The following DUSP19 variants were observed in gnomAD, a reference collection of about 807,000 sequenced individuals.
The protein encoded by DUSP19 is dual specificity protein phosphatase 19.
Under a neutral mutation model 16.6 loss-of-function variants are expected in DUSP19, and 14 were observed. That is an observed-to-expected ratio of 0.84 (90% CI 0.56 to 1.32). The LOEUF (loss-of-function observed/expected upper bound fraction) is 1.32, where lower values mean the gene tolerates loss of function less well. DUSP19 is among the 40% of genes most tolerant of loss of function. The pLI, the probability that DUSP19 is intolerant of heterozygous loss-of-function variation, is 0.00. For synonymous variants in DUSP19, 81 were observed against 90.5 expected (o/e 0.90, Z 0.59); for missense variants, 258 against 255.9 (o/e 1.01, Z -0.06).
chr2:183,090,835 G>A (rs374165372), intron 3 of DUSP19, among the ~76,000 whole-genome samples: 1 of 152,288 alleles, frequency 6.6e-6, no homozygotes, highest in Non-Finnish European at 1.5e-5. Flanking sequence ...CCTCCCTATT[G>A]CACATGGACC....
chr2:183,091,585 CA>C (rs1031355060), intron 3 of DUSP19, among the ~76,000 whole-genome samples: 1 of 152,180 alleles, frequency 6.6e-6, no homozygotes, highest in African/African-American at 2.4e-5. Context: ...AGTGAAGTTA[CA>C]AAGGTCACGC....
rs542768101 is a variant in DUSP19, at chr2:183,097,385, A to G, written c.*1727A>G. 43 of 152,270 alleles carry G rather than the reference A, an allele frequency of 2.8e-4. No homozygotes were observed. Among genetic ancestry groups the G allele is most frequent in the African/African-American group, 9.1e-4 (38 of 41,568 alleles). The allele number at this position is 152,270 out of a possible 1,614,324, so 9.4% of individuals were successfully genotyped here. On this transcript the variant is annotated 3_prime_UTR_variant, in exon 4 of 4. Coordinates refer to ENST00000354221, the MANE Select transcript of DUSP19 (RefSeq NM_080876.4). The stretch of plus-strand genomic sequence containing the variant: ...AAGATATCATTGCCATGTAGGTTTT[A>G]TTTTTAAAAGTCTTGAGCTCTTCTT...
chr2:183,082,886 GTCTTTTCTTTTCTTA>G (rs750552062), intron 1 of DUSP19, among the ~76,000 whole-genome samples: 12 of 87,836 alleles, frequency 1.4e-4, no homozygotes, highest in East Asian at 3.7e-4. Flanking sequence ...GTCTTGTCTT[GTCTTTTCTTTTCTTA>G]TCTTTTCTTT....
intron 1 of DUSP19, among the ~76,000 whole-genome samples, chr2:183,083,038 A>G (rs1209589095): frequency 6.6e-6 from 1 of 152,044 alleles, no homozygotes; most frequent in Non-Finnish European, 1.5e-5. Context: ...AATACCTGGG[A>G]ATACAAGCAT....
intron 2 of DUSP19, among the ~76,000 whole-genome samples, chr2:183,084,792 A>G (rs956604149): frequency 2.6e-5 from 4 of 152,232 alleles, no homozygotes; most frequent in South Asian, 2.1e-4. Context: ...AACTGGTTAT[A>G]AAGCTATTGC....
At position 183,099,681 on chromosome 2, in the gene DUSP19, T is replaced by G. The variant is rs1699849375; in HGVS notation, c.*4023T>G. ...TATTTGTTTTAAAAGATGTAACACTTATTTGCTGTCAAATTCTGAATTAAA... is the reference window on the plus strand; with the variant it reads ...TATTTGTTTTAAAAGATGTAACACTGATTTGCTGTCAAATTCTGAATTAAA... On this transcript the variant is annotated 3_prime_UTR_variant, in exon 4 of 4. Coordinates refer to ENST00000354221, the MANE Select transcript of DUSP19 (RefSeq NM_080876.4). 1 of 151,892 alleles carries G rather than the reference T, an allele frequency of 6.6e-6. No homozygotes were observed. Among genetic ancestry groups the G allele is most frequent in the South Asian group, 2.1e-4 (1 of 4,832 alleles). 9.4% of individuals were successfully genotyped at this position (151,892 alleles called of 1,614,324 possible).
At chr2:183,087,733 T>G (rs1306943743) in intron 3 of DUSP19, among the ~76,000 whole-genome samples, 3 of 152,208 alleles carry the variant, frequency 2.0e-5, no homozygotes, top group Non-Finnish European at 4.4e-5. Context: ...AGCAAATAAT[T>G]CTTACAGACT....
chr2:183,092,372 T>C (rs1699742579), intron 3 of DUSP19, among the ~76,000 whole-genome samples: 1 of 152,164 alleles, frequency 6.6e-6, no homozygotes. Context: ...TTATTTTTCC[T>C]GATGCTCTCC....
intron 3 of DUSP19, among the ~76,000 whole-genome samples, chr2:183,088,395 G>GTGTTTTTTTTTTT (rs1699689490): frequency 7.1e-6 from 1 of 140,204 alleles, no homozygotes; most frequent in African/African-American, 2.7e-5. Flanking sequence ...TTTGTTTTTT[G>GTGTTTTTTTTTTT]TGTTTTTTTT....
At chr2:183,086,522 A>G (rs1000277081) in intron 2 of DUSP19, among the ~76,000 whole-genome samples, 2 of 152,074 alleles carry the variant, frequency 1.3e-5, no homozygotes, top group Non-Finnish European at 1.5e-5. Flanking sequence ...ATGAAAATAT[A>G]TAGGCCAGGT....
intron 3 of DUSP19, among the ~76,000 whole-genome samples, chr2:183,094,430 A>ATT (rs1699770903): frequency 6.6e-6 from 1 of 152,166 alleles, no homozygotes; most frequent in Non-Finnish European, 1.5e-5. Context: ...AAATGAAGTA[A>ATT]CTAAAATGTC....
Position 183,095,793 on chromosome 2 carries a change from T to G in DUSP19, c.*135T>G. On this transcript the variant is annotated 3_prime_UTR_variant, in exon 4 of 4. Coordinates refer to ENST00000354221, the MANE Select transcript of DUSP19 (RefSeq NM_080876.4). ...TTTTTTATGCATAAATGGAGGTCAA[T>G]TTGATTGTCCTGACCTACTGTATAA... The G allele has an allele frequency of 1.6e-6, 1 of 616,352 alleles. No homozygotes were observed. The highest frequency in any genetic ancestry group is 2.8e-5 in the East Asian group (1 of 35,784). 38.2% of individuals were successfully genotyped at this position (616,352 alleles called of 1,614,324 possible). A position where few individuals can be genotyped will look rare whatever the true frequency, so the allele number is the denominator to read the frequency against.
At chr2:183,086,174 C>T (rs570687570) in intron 2 of DUSP19, among the ~76,000 whole-genome samples, 9 of 151,946 alleles carry the variant, frequency 5.9e-5, no homozygotes, top group African/African-American at 2.2e-4. Flanking sequence ...GGTATGAGAC[C>T]CTGTGTTATT....
chr2:183,086,571 C>T (rs576484056), intron 2 of DUSP19, among the ~76,000 whole-genome samples: 3 of 143,440 alleles, frequency 2.1e-5, no homozygotes, highest in South Asian at 2.2e-4. Flanking sequence ...CTGTGGGAGG[C>T]GGAAGTGGGA....
rs948266510 is a variant in DUSP19, at chr2:183,097,771, A to G, written c.*2113A>G. 5.9e-5 allele frequency: 9 copies of G among 152,312 alleles called. No homozygotes were observed. In the East Asian group the frequency reaches 1.5e-3, roughly 26 times the overall value. 9.4% of individuals were successfully genotyped at this position (152,312 alleles called of 1,614,324 possible). On this transcript the variant is annotated 3_prime_UTR_variant, in exon 4 of 4. Coordinates refer to ENST00000354221, the MANE Select transcript of DUSP19 (RefSeq NM_080876.4). ...CATAAGAAAGGATGTATTTAAATAC[A>G]TTTTATTTTGCTAAATCCTGTTTAG...
rs71008261 is a variant in DUSP19 at position 183,085,847 on chromosome 2, G to GTTTTTTTTTT, written c.274-1166_274-1157dup. Reference sequence around the variant, plus strand: ...GTACAGATGTGGACAAGGTTGTTAGGTTTTTTTTTTTTTTTTTTTTTTTTT... The same window carrying GTTTTTTTTTT: ...GTACAGATGTGGACAAGGTTGTTAGGTTTTTTTTTTTTTTTTTTTTTTTTTTTTTTTTTTT... On this transcript the variant is annotated intron_variant, in intron 2 of 3. Transcript: ENST00000354221. Among the ~76,000 whole-genome samples the GTTTTTTTTTT allele has an allele frequency of 1.4e-4, 7 of 50,922 alleles. 1 individual carries two copies. The highest frequency in any genetic ancestry group is 2.2e-4 in the Non-Finnish European group (6 of 27,388). 33.4% of individuals were successfully genotyped at this position (50,922 alleles called of 152,430 possible).
Position 183,095,468 on chromosome 2 carries a change from C to T in DUSP19, c.464C>T (p.Ser155Phe), listed in dbSNP as rs1478549206. Residue 155 changes from serine to phenylalanine, a missense_variant, in exon 4 of 4, where the codon TCC becomes TTC. Transcript: ENST00000354221. The stretch of plus-strand genomic sequence containing the variant: ...CTTGTTCATTGTAATGCAGGCGTTT[C>T]CAGGGCTGCTGCAATTGTAATAGGT... ...VVLVHCNAGVSRAAAIVIGFL... is the reference protein window; with the variant it reads ...VVLVHCNAGVFRAAAIVIGFL... 2.5e-6 allele frequency: 4 copies of T among 1,604,964 alleles called. No individual in the cohort carries two copies. Among genetic ancestry groups the T allele is most frequent in the Non-Finnish European group, 3.4e-6 (4 of 1,176,208 alleles).
chr2:183,079,298 A>T, intron 1 of DUSP19, 139 bp downstream of exon 1: 1 of 848,630 alleles, frequency 1.2e-6, no homozygotes, highest in Non-Finnish European at 1.8e-6. Flanking sequence ...TGGATATGGA[A>T]CTTCCATTAG....
intron 3 of DUSP19, among the ~76,000 whole-genome samples, chr2:183,091,236 C>T (rs975438211): frequency 2.0e-5 from 3 of 152,062 alleles, no homozygotes; most frequent in South Asian, 2.1e-4. Context: ...CCTAAATTCA[C>T]GAAGTTTTTA....
Sources: allele counts gnomAD v4.1 joint callset (sites outside exome capture counted in the v4.1 genomes callset), GRCh38; gene constraint gnomAD v4.1.1; transcripts MANE v1.5; gene names NCBI Gene and HGNC (gene_info 2026-07-23, HGNC 2026-07-21).